The following SEC24A variants were observed in gnomAD, a reference collection of about 807,000 sequenced individuals.
The protein encoded by SEC24A is SEC24 homolog A, COPII component.
Under a neutral mutation model 129.4 loss-of-function variants are expected in SEC24A, and 93 were observed. That is an observed-to-expected ratio of 0.72 (90% CI 0.61 to 0.85). SEC24A has a LOEUF of 0.85. Ranked by LOEUF, SEC24A falls within the 40% of genes least tolerant of loss-of-function variation. SEC24A has a pLI of 0.00. For synonymous variants in SEC24A, 460 were observed against 467.3 expected, an observed-to-expected ratio of 0.98 and a Z score of 0.20; for missense variants, 1,264 against 1,307.4, an observed-to-expected ratio of 0.97 and a Z score of 0.51.
At chr5:134,688,608 T>C (rs1237980636) in intron 11 of SEC24A, among the ~76,000 whole-genome samples, 1 of 152,166 alleles carries the variant, frequency 6.6e-6, no homozygotes, top group African/African-American at 2.4e-5. Flanking sequence ...GATAGACATA[T>C]AGAGCAAGGA....
At chr5:134,712,344 G>A (rs555564530) in intron 18 of SEC24A, among the ~76,000 whole-genome samples, 2 of 151,640 alleles carry the variant, frequency 1.3e-5, no homozygotes, top group South Asian at 2.1e-4. Flanking sequence ...TCCACCTCCC[G>A]GGTTCAAGTG....
intron 14 of SEC24A, 79 bp downstream of exon 14, chr5:134,697,325 G>A (rs1271714334): frequency 7.4e-6 from 9 of 1,211,252 alleles, no homozygotes; most frequent in Non-Finnish European, 1.0e-5. Flanking sequence ...TCTAAATATA[G>A]AACAAAGTTA....
chr5:134,660,575 CTTTT>C (rs551519421), intron 1 of SEC24A, among the ~76,000 whole-genome samples: 2 of 139,298 alleles, frequency 1.4e-5, no homozygotes, highest in Admixed American at 1.5e-4. Flanking sequence ...TTTAGTCCAT[CTTTT>C]TTTTTTTTTT....
At chr5:134,667,836 G>A (rs1037993171) in intron 3 of SEC24A, among the ~76,000 whole-genome samples, 5 of 152,096 alleles carry the variant, frequency 3.3e-5, no homozygotes, top group Non-Finnish European at 5.9e-5. Flanking sequence ...GCAATTTTAT[G>A]TAAGTAAAAT....
At chr5:134,661,821 CTTTTTTTT>C (rs70976551) in intron 2 of SEC24A, among the ~76,000 whole-genome samples, 18 of 77,850 alleles carry the variant, frequency 2.3e-4, no homozygotes, top group Non-Finnish European at 4.2e-4. Flanking sequence ...TCTTTTTTCT[CTTTTTTTT>C]TTTTTTTTTT....
At chr5:134,716,339 G>A (rs1027933291) in intron 19 of SEC24A, among the ~76,000 whole-genome samples, 6 of 151,574 alleles carry the variant, frequency 4.0e-5, no homozygotes, top group African/African-American at 1.2e-4. Context: ...CTCTGGTGGC[G>A]GGTGCCTGTA....
Position 134,675,173 on chromosome 5 carries a change from T to G in SEC24A, c.1107T>G (p.Val369=), listed in dbSNP as rs1363527947. The G allele has an allele frequency of 6.2e-7, 1 of 1,613,194 alleles. No individual in the cohort carries two copies. The highest frequency in any genetic ancestry group is 8.5e-7 in the Non-Finnish European group (1 of 1,179,504). Residue 369 remains valine, a synonymous_variant, in exon 6 of 23, where the codon GTT becomes GTG. Coordinates refer to ENST00000398844, the MANE Select transcript of SEC24A (RefSeq NM_021982.3). ...MLPSTPLKPP[V]PNLHEDIQKL... ...CGTCAACACCTTTGAAGCCTCCAGT[T>G]CCAAATTTGCATGAAGACATCCAGA...
rs112532053 is a variant in SEC24A, at chr5:134,697,277, G to A, written c.2107+31G>A. 75 of 1,539,102 alleles carry A rather than the reference G, an allele frequency of 4.9e-5. 2 individuals carry two copies. The highest frequency in any genetic ancestry group is 4.3e-4 in the African/African-American group (31 of 72,830). On this transcript the variant is annotated intron_variant, in intron 14 of 22. Transcript: ENST00000398844. ...TTCTTCGTAATGATTTTTTTTTTCC[G>A]TTAAATGAATATCAAAATGGTCCTT...
chr5:134,650,434 A>T (rs1750006969), intron 1 of SEC24A, among the ~76,000 whole-genome samples: 1 of 152,192 alleles, frequency 6.6e-6, no homozygotes, highest in African/African-American at 2.4e-5. Context: ...TGTAGTTGTC[A>T]TAATATTGAA....
chr5:134,667,571 G>A (rs984411878), intron 3 of SEC24A, among the ~76,000 whole-genome samples: 3 of 148,382 alleles, frequency 2.0e-5, no homozygotes, highest in Admixed American at 6.8e-5. Context: ...GAAGAATGGC[G>A]TGAACCCGGG....
In SEC24A at chr5:134,725,369, TAAG is replaced by T; in HGVS notation, c.*278_*280del. On this transcript the variant is annotated 3_prime_UTR_variant, in exon 23 of 23. Coordinates refer to ENST00000398844, the MANE Select transcript of SEC24A (RefSeq NM_021982.3). ...ATGTTTGAGTTGTTATGGATTAAAA[TAAG>T]AATATTGCAGAGGCAAAGTACATTT... 1 of 244,390 alleles carries T rather than the reference TAAG, an allele frequency of 4.1e-6. No homozygotes were observed. The highest frequency in any genetic ancestry group is 7.8e-6 in the Non-Finnish European group (1 of 128,626). The allele number at this position is 244,390 out of a possible 1,614,324, so 15.1% of individuals were successfully genotyped here.
chr5:134,672,602 A>G (rs1750906130), intron 4 of SEC24A, among the ~76,000 whole-genome samples: 1 of 152,106 alleles, frequency 6.6e-6, no homozygotes. Context: ...GTGCTGGGAT[A>G]ATAGGCATGT....
chr5:134,674,473 G>T, intron 4 of SEC24A, 142 bp from the exon 5 acceptor site: 1 of 615,796 alleles, frequency 1.6e-6, no homozygotes, highest in Non-Finnish European at 2.7e-6. Context: ...GGAGGTTAAG[G>T]CTGCAGTGAG....
rs771615193 is a variant in SEC24A at position 134,674,724 on chromosome 5, A to C, written c.927A>C (p.Gly309=). Residue 309 remains glycine (G), a synonymous_variant, in exon 5 of 23, where the codon GGA becomes GGC. Transcript: ENST00000398844. ...ACACAACACCACCTGGTGCAACTGG[A>C]GTACCACCCTCTTCCTTGAATTACC... ...YQNTTPPGAT[G]VPPSSLNYPS... 1.1e-5 allele frequency: 18 copies of C among 1,613,862 alleles called. No homozygotes were observed. The highest frequency in any genetic ancestry group is 6.7e-5 in the Admixed American group (4 of 59,980).
chr5:134,711,518 C>CA (rs1366101717), intron 18 of SEC24A, among the ~76,000 whole-genome samples: 4 of 143,626 alleles, frequency 2.8e-5, no homozygotes, highest in Non-Finnish European at 6.1e-5. Context: ...TCTACCCCTA[C>CA]AAAAAAAAGT....
chr5:134,674,769 T>C lies in SEC24A; in HGVS notation c.972T>C (p.Phe324=). ...ATTACCCAAGTGGGCCACAAGCCTT[T>C]ACTCAGGTAAACTTTTTGGGATTTT... The part of the protein sequence containing the change: ...SLNYPSGPQA[F]TQTPLGANHL... Residue 324 remains phenylalanine (F), a synonymous_variant, in exon 5 of 23, where the codon TTT becomes TTC. Transcript: ENST00000398844. 2 of 1,611,612 alleles carry C rather than the reference T, an allele frequency of 1.2e-6. No individual in the cohort carries two copies. The highest frequency in any genetic ancestry group is 2.2e-5 in the South Asian group (2 of 90,460).
chr5:134,689,766 G>GAAAAAAAAAAAAAAAAAAAAAAA (rs748091382), intron 11 of SEC24A, among the ~76,000 whole-genome samples: 1 of 92,790 alleles, frequency 1.1e-5, no homozygotes. Flanking sequence ...TCCATCTCAA[G>GAAAAAAAAAAAAAAAAAAAAAAA]AAAAAAAAAA....
At chr5:134,692,759 C>G in intron 12 of SEC24A, 102 bp downstream of exon 12, 1 of 812,012 alleles carries the variant, frequency 1.2e-6, no homozygotes. Context: ...TGTGACATTT[C>G]TAAGATGTGT....
At chr5:134,667,520 A>T (rs1426870619) in intron 3 of SEC24A, among the ~76,000 whole-genome samples, 1 of 151,830 alleles carries the variant, frequency 6.6e-6, no homozygotes, top group African/African-American at 2.4e-5. Flanking sequence ...GCGTGGTGGC[A>T]AGCGACTGTA....
Sources: allele counts gnomAD v4.1 joint callset (sites outside exome capture counted in the v4.1 genomes callset), GRCh38; gene constraint gnomAD v4.1.1; transcripts MANE v1.5; gene names NCBI Gene and HGNC (gene_info 2026-07-23, HGNC 2026-07-21).